Variants in SLC9A3 observed in about 807,000 individuals in gnomAD.
The protein encoded by SLC9A3 is sodium/hydrogen exchanger 3.
In SLC9A3, 37 loss-of-function variants were observed where a neutral mutation model predicts 86.8. The ratio of observed to expected loss-of-function variants is 0.43; its 90% confidence interval spans 0.33 to 0.56. The LOEUF is 0.56. Among genes scored for constraint, SLC9A3 ranks in the 20% least tolerant of loss-of-function variants. The pLI, the probability that SLC9A3 is intolerant of heterozygous loss-of-function variation, is 0.06. For missense variants in SLC9A3, 1,011 were observed against 1,171.9 expected (o/e 0.86, Z 2.00); for synonymous variants, 581 against 528.3 (o/e 1.10, Z -1.37).
intron 3 of SLC9A3, among the ~76,000 whole-genome samples, chr5:485,685 C>T (rs528839651): frequency 5.9e-5 from 9 of 152,384 alleles, no homozygotes; most frequent in South Asian, 2.1e-4. Flanking sequence ...CTGGGCTCCA[C>T]GCCCAGCAAA....
At chr5:486,805 C>T (rs978145320) in intron 3 of SLC9A3, among the ~76,000 whole-genome samples, 4 of 152,202 alleles carry the variant, frequency 2.6e-5, no homozygotes, top group African/African-American at 9.7e-5. Context: ...CACGGGAAGG[C>T]ACCGTCTGCA....
chr5:517,364 C>G (rs1414648014), intron 1 of SLC9A3, among the ~76,000 whole-genome samples: 1 of 151,614 alleles, frequency 6.6e-6, no homozygotes. Context: ...CATCAATCCA[C>G]TCATCCATCC....
At chr5:521,740 G>C (rs1425556071) in intron 1 of SLC9A3, among the ~76,000 whole-genome samples, 1 of 152,182 alleles carries the variant, frequency 6.6e-6, no homozygotes, top group East Asian at 1.9e-4. Flanking sequence ...CTTGGGCCCC[G>C]GTGTCTGTGA....
rs1038154009 is a variant in SLC9A3, at chr5:521,739, C to T, written c.211+2373G>A. On this transcript the variant is annotated intron_variant, in intron 1 of 16. Transcript: ENST00000264938. ...CCCGCTGTGGTGCAGGCTTGGGCCC[C>T]GGTGTCTGTGAAGGCCTGGACCTGA... Among the ~76,000 whole-genome samples the T allele has an allele frequency of 3.9e-5, 6 of 152,276 alleles. No individual in the cohort carries two copies. The South Asian group carries it at 8.3e-4, about 21-fold the overall frequency.
chr5:520,498 C>T (rs542575278), intron 1 of SLC9A3, among the ~76,000 whole-genome samples: 1 of 152,216 alleles, frequency 6.6e-6, no homozygotes, highest in East Asian at 1.9e-4. Flanking sequence ...TTCAAGGAGG[C>T]CCTGCTGTCC....
chr5:478,440 G>A (rs976282631), intron 10 of SLC9A3: 3 of 94,752 alleles, frequency 3.2e-5, no homozygotes, highest in Middle Eastern at 4.2e-3. Flanking sequence ...TGCCCCTGCC[G>A]AGCCCTGCCG....
In SLC9A3 at chr5:482,675, G is replaced by A; in HGVS notation, c.1229C>T (p.Ser410Phe). The change falls in exon 7 of 17, where the codon TCC becomes TTC. Residue 410 changes from serine (S) to phenylalanine (F), a missense_variant. Transcript: ENST00000264938. ...QLEPIDQVVL[S>F]YGGLRGAVAF... Reference sequence around the variant, plus strand: ...CACGGCCCCGCGCAGGCCCCCGTAGGACAGGACCACCTGGTCAATGGGCTC... The same window carrying A: ...CACGGCCCCGCGCAGGCCCCCGTAGAACAGGACCACCTGGTCAATGGGCTC... 1 of 1,612,638 alleles carries A rather than the reference G, an allele frequency of 6.2e-7. No homozygotes were observed. The highest frequency in any genetic ancestry group is 8.5e-7 in the Non-Finnish European group (1 of 1,179,882).
chr5:512,934 G>A (rs375243933), intron 1 of SLC9A3, among the ~76,000 whole-genome samples: 21 of 152,232 alleles, frequency 1.4e-4, no homozygotes, highest in Non-Finnish European at 1.9e-4. Flanking sequence ...ACTGTCCGGC[G>A]TCACCAAGAT....
In SLC9A3 at chr5:473,059, C is replaced by A; in HGVS notation, c.*320G>T. On this transcript the variant is annotated 3_prime_UTR_variant, in exon 17 of 17. Transcript: ENST00000264938. Reference sequence around the variant, plus strand: ...TTCAGCAGCGCGGGGCGGCGGCGCGCGCGAGGCCGCTGGAACGAGCGCCGG... The same window carrying A: ...TTCAGCAGCGCGGGGCGGCGGCGCGAGCGAGGCCGCTGGAACGAGCGCCGG... 3.2e-6 allele frequency: 1 copy of A among 310,904 alleles called. No homozygotes were observed. 19.3% of individuals were successfully genotyped at this position (310,904 alleles called of 1,614,324 possible). A position where few individuals can be genotyped will look rare whatever the true frequency, so the allele number is the denominator to read the frequency against.
intron 1 of SLC9A3, among the ~76,000 whole-genome samples, chr5:494,790 C>T (rs1480955810): frequency 3.9e-5 from 6 of 152,202 alleles, no homozygotes; most frequent in African/African-American, 1.2e-4. Flanking sequence ...CTAGCAAAGC[C>T]GGGCACAGCC....
chr5:480,018 C>A (rs199904762), intron 9 of SLC9A3, 53 bp from the exon 10 acceptor site: 6 of 1,583,662 alleles, frequency 3.8e-6, no homozygotes, highest in Non-Finnish European at 5.2e-6. Context: ...CCCTAGAGCC[C>A]GCCGGACGCG....
intron 10 of SLC9A3, chr5:477,731 CTGCCTGGGACTTGGGATG>C: frequency 2.7e-6 from 1 of 368,008 alleles, no homozygotes; most frequent in South Asian, 4.1e-5. Context: ...AGGGGTAAAG[CTGCCTGGGACTTGGGATG>C]TGTCTGGGGA....
At chr5:475,273 G>A (rs1378750719) in intron 15 of SLC9A3, 141 bp from the exon 16 acceptor site, 1 of 846,540 alleles carries the variant, frequency 1.2e-6, no homozygotes, top group Non-Finnish European at 1.8e-6. Context: ...TTCAGGTTGC[G>A]GGCCCTTCCC....
At chr5:518,052 C>T (rs894172857) in intron 1 of SLC9A3, among the ~76,000 whole-genome samples, 11 of 152,238 alleles carry the variant, frequency 7.2e-5, no homozygotes, top group Non-Finnish European at 1.5e-5. Context: ...TGTCCATTCA[C>T]GTGCTCAGAT....
rs1337171402 is a variant in SLC9A3 at position 471,449 on chromosome 5, T to C, written c.*1930A>G. ...CAGACAGGCACTTGGAAGGCAGCTT[T>C]GCTCCTCTGGCCACCCGGAAACCTC... On this transcript the variant is annotated 3_prime_UTR_variant, in exon 17 of 17. Coordinates refer to ENST00000264938, the MANE Select transcript of SLC9A3 (RefSeq NM_004174.4). 4 of 327,424 alleles carry C rather than the reference T, an allele frequency of 1.2e-5. No individual in the cohort carries two copies. In the Admixed American group the frequency reaches 1.8e-4, roughly 14 times the overall value. 20.3% of individuals were successfully genotyped at this position (327,424 alleles called of 1,614,324 possible).
Position 482,755 on chromosome 5 carries a change from G to A in SLC9A3, c.1154-5C>T, listed in dbSNP as rs372941448. The A allele has an allele frequency of 2.8e-5, 45 of 1,591,526 alleles. 1 individual carries two copies. The highest frequency in any genetic ancestry group is 1.7e-4 in the Middle Eastern group (1 of 6,056). ...GCCAGGTCTGCAGGACCACACCTGC[G>A]GATGATGGGGCGGGCACTCAGCTCC... On this transcript the variant is annotated splice_region_variant and splice_polypyrimidine_tract_variant and intron_variant, in intron 6 of 16. Transcript: ENST00000264938.
Position 479,793 on chromosome 5 carries a change from G to A in SLC9A3, c.1647+43C>T, listed in dbSNP as rs751784298. On this transcript the variant is annotated intron_variant, in intron 10 of 16. Coordinates refer to ENST00000264938, the MANE Select transcript of SLC9A3 (RefSeq NM_004174.4). ...CATGGCACCCACAGCCAGTGCCAGA[G>A]CCTGCTGCAGCCCCGACCCGGCAGA... 5.6e-6 allele frequency: 9 copies of A among 1,606,850 alleles called. No homozygotes were observed. In the African/African-American group the frequency reaches 1.1e-4, roughly 19 times the overall value.
intron 1 of SLC9A3, among the ~76,000 whole-genome samples, chr5:502,006 A>T (rs1740299804): frequency 6.6e-6 from 1 of 152,282 alleles, no homozygotes; most frequent in Admixed American, 6.5e-5. Context: ...TCCAAGAACA[A>T]CAGCCCGTTC....
rs757300487 is a variant in SLC9A3 at position 476,602 on chromosome 5, C to T, written c.1831G>A (p.Ala611Thr). 3.0e-5 allele frequency: 48 copies of T among 1,610,686 alleles called. No individual in the cohort carries two copies. The highest frequency in any genetic ancestry group is 1.7e-4 in the Middle Eastern group (1 of 6,052). ...GTGTGGTGCGTGACCATGTCCTCCGCGTCCCGGATGCTCCGCCGTCGCTGC... is the reference window on the plus strand; with the variant it reads ...GTGTGGTGCGTGACCATGTCCTCCGTGTCCCGGATGCTCCGCCGTCGCTGC... ...LEQRRRSIRD[A>T]EDMVTHHTLQ... Residue 611 changes from alanine (A) to threonine (T), a missense_variant, in exon 12 of 17, where the codon GCG (alanine) becomes ACG (threonine). Physicochemically the swap from Ala to Thr is moderately conservative, Grantham distance 58. Coordinates refer to ENST00000264938, the MANE Select transcript of SLC9A3 (RefSeq NM_004174.4).
Sources: allele counts gnomAD v4.1 joint callset (sites outside exome capture counted in the v4.1 genomes callset), GRCh38; gene constraint gnomAD v4.1.1; transcripts MANE v1.5; gene names NCBI Gene and HGNC (gene_info 2026-07-23, HGNC 2026-07-21).